Variants in SGK3 observed in about 807,000 individuals in gnomAD.
SGK3 encodes the protein serum/glucocorticoid regulated kinase family member 3, also known as serine/threonine-protein kinase Sgk3.
In SGK3, 47 loss-of-function variants were observed where a neutral mutation model predicts 68.5. That is an observed-to-expected ratio of 0.69 (90% CI 0.54 to 0.87). The LOEUF (loss-of-function observed/expected upper bound fraction) is 0.87, where lower values mean the gene tolerates loss of function less well. SGK3 is among the 40% of genes least tolerant of loss of function. SGK3 has a pLI of 0.00. For synonymous variants in SGK3, 181 were observed against 189.1 expected (o/e 0.96, Z 0.35); for missense variants, 479 against 575.5 (o/e 0.83, Z 1.72).
intron 6 of SGK3, 112 bp from the exon 7 acceptor site, chr8:66,828,542 C>A: frequency 6.8e-7 from 1 of 1,477,406 alleles, no homozygotes; most frequent in African/African-American, 1.4e-5. Flanking sequence ...GTTTCTTTAA[C>A]ATGGCAACAA....
intron 10 of SGK3, among the ~76,000 whole-genome samples, chr8:66,836,511 C>T (rs1809539011): frequency 6.6e-6 from 1 of 151,766 alleles, no homozygotes; most frequent in African/African-American, 2.4e-5. Context: ...CTCAGTGACT[C>T]GCACCTTTAA....
intron 10 of SGK3, among the ~76,000 whole-genome samples, chr8:66,838,650 A>T (rs559286489): frequency 2.0e-5 from 3 of 152,270 alleles, no homozygotes; most frequent in Non-Finnish European, 4.4e-5. Context: ...CTGGCAAAGA[A>T]TGGAAGAGGA....
chr8:66,850,887 A>G lies in SGK3; in HGVS notation c.1287A>G (p.Gln429=). The G allele has an allele frequency of 6.2e-7, 1 of 1,612,004 alleles. No individual in the cohort carries two copies. The highest frequency in any genetic ancestry group is 8.5e-7 in the Non-Finnish European group (1 of 1,178,906). Residue 429 remains glutamine, a synonymous_variant, in exon 16 of 17, where the codon CAA becomes CAG. Coordinates refer to ENST00000521198, the MANE Select transcript of SGK3 (RefSeq NM_001033578.3). ...FESLSWADLV[Q]KKIPPPFNPN... is the part of the protein sequence containing the mutation. ...CACTCAGCTGGGCTGACCTTGTACA[A>G]AAGAAGATTCCACCACCATTTAATC... is the stretch of plus-strand genomic sequence containing the variant.
intron 14 of SGK3, among the ~76,000 whole-genome samples, chr8:66,844,441 A>G (rs1809925686): frequency 6.6e-6 from 1 of 152,220 alleles, no homozygotes; most frequent in Non-Finnish European, 1.5e-5. Flanking sequence ...GGCTGGCCAG[A>G]GCTTCTGATT....
intron 1 of SGK3, among the ~76,000 whole-genome samples, chr8:66,734,228 C>CTTTTTTTTTTTTTTTTTTTTTTTTTTTTT (rs529741200): frequency 9.6e-6 from 1 of 104,232 alleles, no homozygotes; most frequent in Admixed American, 1.0e-4. Context: ...CTTTTTCTTT[C>CTTTTTTTTTTTTTTTTTTTTTTTTTTTTT]TTTTTTTTTT....
chr8:66,804,974 G>A (rs1808091287), intron 4 of SGK3, among the ~76,000 whole-genome samples: 1 of 152,080 alleles, frequency 6.6e-6, no homozygotes, highest in African/African-American at 2.4e-5. Context: ...AGCTACTCAG[G>A]AGGCTGAGGC....
intron 1 of SGK3, among the ~76,000 whole-genome samples, chr8:66,729,735 T>TTATTTATATTTA (rs149985419): frequency 6.6e-6 from 1 of 151,006 alleles, no homozygotes. Flanking sequence ...ATTTATTTAT[T>TTATTTATATTTA]TTTATTTATT....
intron 1 of SGK3, among the ~76,000 whole-genome samples, chr8:66,732,697 T>C (rs1035472554): frequency 2.0e-5 from 3 of 152,026 alleles, no homozygotes; most frequent in Non-Finnish European, 2.9e-5. Context: ...ATACAAAAAT[T>C]AGCTGGGCAT....
chr8:66,793,741 A>C lies in SGK3; in HGVS notation c.5A>C (p.Gln2Pro). 1 of 1,612,948 alleles carries C rather than the reference A, an allele frequency of 6.2e-7. No individual in the cohort carries two copies. The highest frequency in any genetic ancestry group is 8.5e-7 in the Non-Finnish European group (1 of 1,179,302). The change falls in exon 2 of 17, where the codon CAA becomes CCA. Residue 2 changes from glutamine to proline, a missense_variant. This residue lies in a region of SGK3 where 298 missense variants were observed against 329.4 expected (regional missense o/e 0.90). Transcript: ENST00000521198. MQRDHTMDYKES... is the reference protein window; with the variant it reads MPRDHTMDYKES... ...GGTGTGCTCTTGAGGGATTAAATGC[A>C]AAGAGATCACACCATGGACTACAAG...
chr8:66,815,715 G>C (rs1808548134), intron 5 of SGK3, among the ~76,000 whole-genome samples: 1 of 152,096 alleles, frequency 6.6e-6, no homozygotes, highest in African/African-American at 2.4e-5. Flanking sequence ...ACTTCTCCTA[G>C]TATTTTAAGT....
intron 1 of SGK3, among the ~76,000 whole-genome samples, chr8:66,728,816 A>C (rs1334813224): frequency 3.3e-5 from 5 of 151,972 alleles, no homozygotes; most frequent in Non-Finnish European, 5.9e-5. Flanking sequence ...GCTACTCAGG[A>C]GGCTGAAGTG....
intron 1 of SGK3, among the ~76,000 whole-genome samples, chr8:66,734,534 T>TA (rs1563600743): frequency 6.6e-6 from 1 of 152,174 alleles, no homozygotes; most frequent in African/African-American, 2.4e-5. Context: ...GTGGGTTTTC[T>TA]AAAAAAATTT....
chr8:66,723,115 ATATATATATATATATATT>A (rs1264020683), intron 1 of SGK3, among the ~76,000 whole-genome samples: 30 of 48,744 alleles, frequency 6.2e-4, no homozygotes, highest in East Asian at 4.1e-3. Flanking sequence ...ATATATATAT[ATATATATATATATATATT>A]TTTTTTTTTT....
rs1319160931 is a variant in SGK3, at chr8:66,798,132, C to T, written c.97-410C>T. ...CAAGCAATCCTCTTACTTCAGCCTC[C>T]TGAGTAGCTGGGACTACAGGCGTGT... On this transcript the variant is annotated intron_variant, in intron 2 of 16. Transcript: ENST00000521198. Among the ~76,000 whole-genome samples, 4 of 151,990 alleles carry T rather than the reference C, an allele frequency of 2.6e-5. No individual in the cohort carries two copies. In the East Asian group the frequency reaches 7.7e-4, roughly 29 times the overall value.
intron 15 of SGK3, among the ~76,000 whole-genome samples, chr8:66,848,988 C>G (rs761368010): frequency 4.6e-5 from 7 of 152,202 alleles, no homozygotes; most frequent in African/African-American, 1.7e-4. Flanking sequence ...CAAGAGCACA[C>G]GTGCGTCTCA....
At chr8:66,833,940 C>T (rs1188835384) in intron 8 of SGK3, among the ~76,000 whole-genome samples, 1 of 152,224 alleles carries the variant, frequency 6.6e-6, no homozygotes, top group Non-Finnish European at 1.5e-5. Context: ...ATCCACCCAC[C>T]TCAGCCTCCC....
intron 1 of SGK3, among the ~76,000 whole-genome samples, chr8:66,718,441 T>C (rs1804704548): frequency 6.7e-6 from 1 of 150,016 alleles, no homozygotes; most frequent in South Asian, 2.1e-4. Context: ...TACACACATA[T>C]ATATATTATG....
intron 1 of SGK3, among the ~76,000 whole-genome samples, chr8:66,724,633 A>G (rs1033001625): frequency 6.6e-6 from 1 of 152,224 alleles, no homozygotes; most frequent in Non-Finnish European, 1.5e-5. Flanking sequence ...AGTGTAAACT[A>G]AAGTCTTTGT....
Position 66,755,359 on chromosome 8 carries a change from C to A in SGK3, c.-121-38257C>A, listed in dbSNP as rs77339243. On this transcript the variant is annotated intron_variant, in intron 1 of 16. Transcript: ENST00000521198. ...TGATTAAAAGATTGTTGTACAATAACCCCCTTGGGGATGTTAAGTAAAACT... is the reference window on the plus strand; with the variant it reads ...TGATTAAAAGATTGTTGTACAATAAACCCCTTGGGGATGTTAAGTAAAACT... 1.6e-3 allele frequency among the ~76,000 whole-genome samples: 240 copies of A among 152,060 alleles called. 5 individuals carry two copies. The East Asian group carries it at 0.043, about 28-fold the overall frequency.
Sources: allele counts gnomAD v4.1 joint callset (sites outside exome capture counted in the v4.1 genomes callset), GRCh38; gene constraint gnomAD v4.1.1; regional missense constraint gnomAD v4.1.1; transcripts MANE v1.5; gene names NCBI Gene and HGNC (gene_info 2026-07-23, HGNC 2026-07-21).